Variants in DLGAP2 observed in about 807,000 individuals in gnomAD.
DLGAP2 encodes disks large-associated protein 2.
DLGAP2 carries 26 observed loss-of-function variants against 100.3 expected under a neutral mutation model. That is an observed-to-expected ratio of 0.26 (90% CI 0.19 to 0.36). The LOEUF (loss-of-function observed/expected upper bound fraction) is 0.36. Among genes scored for constraint, DLGAP2 ranks in the 10% least tolerant of loss-of-function variants. The probability of loss-of-function intolerance (pLI) is 1.00; values close to 1 mark genes in which losing one functional copy is unlikely to be tolerated. For synonymous variants in DLGAP2, 886 were observed against 630.1 expected (o/e 1.41, Z -6.08); for missense variants, 1,858 against 1,453.2 (o/e 1.28, Z -4.53).
At chr8:793,000 G>T (rs1488988109) in intron 1 of DLGAP2, among the ~76,000 whole-genome samples, 25 of 152,268 alleles carry the variant, frequency 1.6e-4, no homozygotes, top group Non-Finnish European at 2.9e-5. Context: ...GAGATGATGT[G>T]AGCTTTAGTT....
chr8:1,306,826 G>C (rs971650016), intron 3 of DLGAP2, among the ~76,000 whole-genome samples: 1 of 152,274 alleles, frequency 6.6e-6, no homozygotes, highest in Admixed American at 6.5e-5. Context: ...ATTTATGTTA[G>C]AGAAACTGGA....
rs577779552 is a variant in DLGAP2 at position 1,032,095 on chromosome 8, A to T, written c.73+124129A>T. ...TTGTGAAAATGTCCACGTTTCTGAA[A>T]ACACATCTGCCCCTGGGTCTGCAGT... is the stretch of plus-strand genomic sequence containing the variant. On this transcript the variant is annotated intron_variant, in intron 2 of 14. Coordinates refer to ENST00000637795, the MANE Select transcript of DLGAP2 (RefSeq NM_001346810.2). Among the ~76,000 whole-genome samples, 133 of 152,338 alleles carry T rather than the reference A, an allele frequency of 8.7e-4. 1 individual carries two copies. Among genetic ancestry groups the T allele is most frequent in the African/African-American group, 3.1e-3 (128 of 41,560 alleles).
intron 2 of DLGAP2, among the ~76,000 whole-genome samples, chr8:994,370 T>C (rs1800726662): frequency 6.6e-6 from 1 of 152,048 alleles, no homozygotes; most frequent in Admixed American, 6.5e-5. Context: ...CTGGCTAATT[T>C]TGTATTTTTA....
At chr8:1,490,371 A>G (rs1040548663) in intron 3 of DLGAP2, among the ~76,000 whole-genome samples, 1 of 152,276 alleles carries the variant, frequency 6.6e-6, no homozygotes, top group Non-Finnish European at 1.5e-5. Context: ...TCAGGCATCC[A>G]TCAGGTGCAG....
chr8:1,255,735 CGAGCACTGTATGTGTGTCCTCTCCTGCCT>C (rs1799189417), intron 2 of DLGAP2, among the ~76,000 whole-genome samples: 7 of 108,878 alleles, frequency 6.4e-5, no homozygotes, highest in South Asian at 3.2e-4. Context: ...CTCTCCTGCC[CGAGCACTGTATGTGTGTCCTCTCCTGCCT>C]GGGTGCTGTG....
At chr8:1,270,169 A>G (rs964278686) in intron 3 of DLGAP2, among the ~76,000 whole-genome samples, 2 of 152,088 alleles carry the variant, frequency 1.3e-5, no homozygotes, top group East Asian at 3.9e-4. Flanking sequence ...TCTCACCAAG[A>G]TGGGAAGCCG....
intron 1 of DLGAP2, among the ~76,000 whole-genome samples, chr8:796,821 G>A (rs976578099): frequency 2.6e-5 from 4 of 152,122 alleles, no homozygotes; most frequent in Non-Finnish European, 5.9e-5. Context: ...ACAGCCAGGT[G>A]GCTTCTGTGT....
At chr8:1,449,387 G>A (rs1027967046) in intron 3 of DLGAP2, among the ~76,000 whole-genome samples, 1 of 152,226 alleles carries the variant, frequency 6.6e-6, no homozygotes, top group Non-Finnish European at 1.5e-5. Flanking sequence ...TCTCAGAGTT[G>A]TCTTGGGGCT....
intron 6 of DLGAP2, among the ~76,000 whole-genome samples, chr8:1,587,034 T>C (rs1466594014): frequency 6.6e-6 from 1 of 152,176 alleles, no homozygotes; most frequent in African/African-American, 2.4e-5. Context: ...CTCTGGAAAG[T>C]CCTAGCGGGA....
intron 1 of DLGAP2, among the ~76,000 whole-genome samples, chr8:786,819 T>C (rs898713430): frequency 3.9e-5 from 6 of 151,964 alleles, no homozygotes; most frequent in South Asian, 2.1e-4. Flanking sequence ...TTTTTTTTTT[T>C]AACAGCGTCT....
intron 2 of DLGAP2, among the ~76,000 whole-genome samples, chr8:1,091,407 T>TTATC (rs1804177167): frequency 6.6e-6 from 1 of 152,268 alleles, no homozygotes; most frequent in Non-Finnish European, 1.5e-5. Context: ...GGATTCCTTT[T>TTATC]CTCAGTCTAG....
chr8:1,512,267 C>T (rs140505005), intron 4 of DLGAP2, among the ~76,000 whole-genome samples: 4 of 152,202 alleles, frequency 2.6e-5, no homozygotes, highest in African/African-American at 9.6e-5. Flanking sequence ...AAACAAATGT[C>T]CCATAAACTT....
intron 2 of DLGAP2, among the ~76,000 whole-genome samples, chr8:1,069,703 C>T (rs1444857330): frequency 3.3e-5 from 5 of 152,128 alleles, no homozygotes; most frequent in East Asian, 1.9e-4. Flanking sequence ...GCTGTACCTA[C>T]GATAAAAGTT....
intron 1 of DLGAP2, among the ~76,000 whole-genome samples, chr8:796,277 A>G (rs1796035222): frequency 6.6e-6 from 1 of 152,012 alleles, no homozygotes; most frequent in South Asian, 2.1e-4. Context: ...TGGTCCCGGG[A>G]TCCCGCTTGG....
chr8:1,325,383 C>A (rs1300756843), intron 3 of DLGAP2, among the ~76,000 whole-genome samples: 1 of 152,214 alleles, frequency 6.6e-6, no homozygotes, highest in Non-Finnish European at 1.5e-5. Flanking sequence ...CTCCCACCTC[C>A]AGCAGCCCTG....
At chr8:1,241,194 ACATGGAGCCATGTCTAATTCTCTCACAT>A (rs1798786816) in intron 2 of DLGAP2, among the ~76,000 whole-genome samples, 2 of 47,500 alleles carry the variant, frequency 4.2e-5, no homozygotes. Context: ...TCGTTCTCTC[ACATGGAGCCATGTCTAATTCTCTCACAT>A]GGCGCCGTGT....
chr8:870,044 A>G (rs975347051), intron 1 of DLGAP2, among the ~76,000 whole-genome samples: 1 of 152,156 alleles, frequency 6.6e-6, no homozygotes, highest in East Asian at 1.9e-4. Context: ...TTAAAGTCAA[A>G]TTCTGGGTCG....
At chr8:1,426,432 G>A (rs947033571) in intron 3 of DLGAP2, among the ~76,000 whole-genome samples, 1 of 152,154 alleles carries the variant, frequency 6.6e-6, no homozygotes, top group Non-Finnish European at 1.5e-5. Flanking sequence ...AGCTAGGGAG[G>A]AAAGATGTAG....
intron 3 of DLGAP2, among the ~76,000 whole-genome samples, chr8:1,452,386 C>T (rs540148909): frequency 6.6e-6 from 1 of 152,228 alleles, no homozygotes; most frequent in Admixed American, 6.5e-5. Flanking sequence ...TGAGCCGAGG[C>T]TATGCGTGCG....
Sources: gnomAD v4.1 joint callset for allele counts (sites outside exome capture counted in the v4.1 genomes callset) on GRCh38, gnomAD v4.1.1 for gene constraint, MANE v1.5 for transcripts, NCBI Gene and HGNC (gene_info 2026-07-23, HGNC 2026-07-21) for gene names.